The following AKR1B15 variants were observed in gnomAD, a reference collection of about 807,000 sequenced individuals.
AKR1B15 encodes aldo-keto reductase family 1 member B15.
A neutral mutation model predicts 38.5 loss-of-function variants in AKR1B15; 49 were observed. The ratio of observed to expected loss-of-function variants is 1.27; its 90% CI spans 1.01 to 1.62. The LOEUF (loss-of-function observed/expected upper bound fraction) is 1.62, where lower values mean the gene tolerates loss of function less well. Ranked by LOEUF, AKR1B15 falls within the 40% of genes most tolerant of loss-of-function variation. The pLI is 0.00. For synonymous variants in AKR1B15, 137 were observed against 135.5 expected (o/e 1.01, Z -0.08); for missense variants, 411 against 381.6 (o/e 1.08, Z -0.64).
At position 134,556,742 on chromosome 7, in the gene AKR1B15, C is replaced by G. The variant is rs1041526315; in HGVS notation, c.-140C>G. The G allele has an allele frequency of 6.6e-6, 1 of 152,180 alleles. No individual in the cohort carries two copies. The allele number at this position is 152,180 out of a possible 1,614,324, so 9.4% of individuals were successfully genotyped here. ...CCCCTGAATTGCATTTCAGGTTTCA[C>G]CGAGCTGCCCTACTCCTTGTACCCC... On this transcript the variant is annotated 5_prime_UTR_variant, in exon 2 of 12. Transcript: ENST00000457545.
Position 134,575,506 on chromosome 7 carries a change from C to T in AKR1B15, c.600C>T (p.Asn200=). The stretch of plus-strand genomic sequence containing the variant: ...ACTTCCAGATCGAGAGGCTCTTGAA[C>T]AAACCTGGACTGAAATATAAACCAG... ...FNHFQIERLL[N]KPGLKYKPVT... is the part of the protein sequence containing the mutation. Residue 200 remains asparagine, a synonymous_variant, in exon 7 of 12, where the codon AAC becomes AAT. Coordinates refer to ENST00000457545, the MANE Select transcript of AKR1B15 (RefSeq NM_001080538.3). 1 of 1,613,874 alleles carries T rather than the reference C, an allele frequency of 6.2e-7. No individual in the cohort carries two copies. The highest frequency in any genetic ancestry group is 8.5e-7 in the Non-Finnish European group (1 of 1,179,818).
At position 134,575,476 on chromosome 7, in the gene AKR1B15, C is replaced by T. The variant is rs752397346; in HGVS notation, c.570C>T (p.Phe190=). ...GLVKALGVSN[F]NHFQIERLLN... ...TGAAAGCCCTTGGGGTCTCAAATTT[C>T]AACCACTTCCAGATCGAGAGGCTCT... Residue 190 remains phenylalanine (F), a synonymous_variant, in exon 7 of 12, where the codon TTC becomes TTT. Coordinates refer to ENST00000457545, the MANE Select transcript of AKR1B15 (RefSeq NM_001080538.3). The T allele has an allele frequency of 3.7e-6, 6 of 1,613,904 alleles. No homozygotes were observed. Among genetic ancestry groups the T allele is most frequent in the Non-Finnish European group, 3.4e-6 (4 of 1,179,824 alleles).
intron 1 of AKR1B15, among the ~76,000 whole-genome samples, chr7:134,553,916 A>G (rs1428931818): frequency 6.6e-6 from 1 of 152,306 alleles, no homozygotes; most frequent in Non-Finnish European, 1.5e-5. Context: ...AGACAGATGT[A>G]CTGTAGGCCC....
Position 134,564,604 on chromosome 7 carries a change from G to A in AKR1B15, c.-16G>A. 1 of 694,772 alleles carries A rather than the reference G, an allele frequency of 1.4e-6. No individual in the cohort carries two copies. The highest frequency in any genetic ancestry group is 2.6e-6 in the Non-Finnish European group (1 of 382,036). The allele number at this position is 694,772 out of a possible 1,614,324, so 43.0% of individuals were successfully genotyped here. ...TCAAATTTGTTTCCTCTAGGATCGA[G>A]GCCATCAAGCTACAGATGGTCTTAC... On this transcript the variant is annotated 5_prime_UTR_variant, in exon 3 of 12. Transcript: ENST00000457545.
At chr7:134,562,832 C>CTTTCTCTT in intron 2 of AKR1B15, among the ~76,000 whole-genome samples, 1 of 122,694 alleles carries the variant, frequency 8.2e-6, no homozygotes, top group East Asian at 2.6e-4. Context: ...TCCTTCCTTT[C>CTTTCTCTT]TCTTTCTTTC....
At chr7:134,563,033 T>C (rs1308928317) in intron 2 of AKR1B15, among the ~76,000 whole-genome samples, 1 of 151,802 alleles carries the variant, frequency 6.6e-6, no homozygotes, top group Non-Finnish European at 1.5e-5. Flanking sequence ...TTCCTTCCTT[T>C]CTCTCTCCCT....
At chr7:134,553,196 G>A (rs1173770413) in intron 1 of AKR1B15, among the ~76,000 whole-genome samples, 1 of 152,112 alleles carries the variant, frequency 6.6e-6, no homozygotes, top group African/African-American at 2.4e-5. Flanking sequence ...TGGGCACCGT[G>A]GGATATGGTC....
chr7:134,556,623 G>A (rs1794206374), intron 1 of AKR1B15, 113 bp from the exon 2 acceptor site: 2 of 152,136 alleles, frequency 1.3e-5, no homozygotes, highest in Admixed American at 6.6e-5. Context: ...CTGCATCAAT[G>A]GGACTGAACC....
Position 134,573,570 on chromosome 7 carries a change from C to G in AKR1B15, c.514-1850C>G, listed in dbSNP as rs186870101. The G allele has an allele frequency of 3.3e-3, 3,289 of 984,044 alleles. 15 individuals carry two copies. Among genetic ancestry groups the G allele is most frequent in the Non-Finnish European group, 3.4e-3 (2,782 of 828,730 alleles). 61.0% of individuals were successfully genotyped at this position (984,044 alleles called of 1,614,324 possible). ...TTGGATGTTTATGTAGACCCACAAC[C>G]AGTTCAGTAGAAACCTCATTGACTA... On this transcript the variant is annotated intron_variant, in intron 6 of 11. Coordinates refer to ENST00000457545, the MANE Select transcript of AKR1B15 (RefSeq NM_001080538.3).
intron 1 of AKR1B15, among the ~76,000 whole-genome samples, chr7:134,552,536 C>T (rs1211052910): frequency 6.6e-6 from 1 of 152,116 alleles, no homozygotes; most frequent in Admixed American, 6.5e-5. Flanking sequence ...CTGGTATACT[C>T]ACACCATGTG....
intron 9 of AKR1B15, 38 bp from the exon 10 acceptor site, chr7:134,576,925 G>A: frequency 1.9e-6 from 3 of 1,572,820 alleles, no homozygotes; most frequent in Non-Finnish European, 1.8e-6. Flanking sequence ...AGGGGTCCTT[G>A]TAGCTGAGTG....
chr7:134,571,508 G>A (rs1413363561), intron 5 of AKR1B15, 96 bp from the exon 6 acceptor site: 1 of 882,680 alleles, frequency 1.1e-6, no homozygotes, highest in Non-Finnish European at 1.9e-6. Context: ...GTATGCAGAT[G>A]TGGTATTTAG....
intron 3 of AKR1B15, among the ~76,000 whole-genome samples, chr7:134,566,929 C>G (rs1478046956): frequency 6.6e-6 from 1 of 152,196 alleles, no homozygotes. Context: ...TTCCAGATCT[C>G]CAGGGAATCT....
chr7:134,569,297 T>G, intron 4 of AKR1B15, 116 bp from the exon 5 acceptor site: 1 of 1,197,782 alleles, frequency 8.3e-7, no homozygotes, highest in Non-Finnish European at 1.2e-6. Context: ...ATCAGCTTTG[T>G]TATAGATGGC....
chr7:134,551,580 G>A (rs546295696), intron 1 of AKR1B15, among the ~76,000 whole-genome samples: 11 of 152,258 alleles, frequency 7.2e-5, no homozygotes, highest in African/African-American at 1.4e-4. Context: ...GAGAGTTTTC[G>A]ACAATCGAGA....
At chr7:134,571,481 C>T in intron 5 of AKR1B15, 123 bp from the exon 6 acceptor site, 1 of 753,874 alleles carries the variant, frequency 1.3e-6, no homozygotes. Context: ...GTATGTACTC[C>T]AGAGCTTGAA....
intron 1 of AKR1B15, among the ~76,000 whole-genome samples, chr7:134,550,602 G>C (rs969990360): frequency 2.6e-5 from 4 of 152,086 alleles, no homozygotes; most frequent in African/African-American, 7.2e-5. Context: ...ACTTCTTCTA[G>C]CTATAATACT....
chr7:134,558,641 T>C (rs145918718), intron 2 of AKR1B15, among the ~76,000 whole-genome samples: 21 of 152,276 alleles, frequency 1.4e-4, no homozygotes, highest in Non-Finnish European at 2.4e-4. Flanking sequence ...CTAAATATAC[T>C]CCTATTGCTT....
intron 2 of AKR1B15, among the ~76,000 whole-genome samples, chr7:134,562,320 A>G (rs1444122959): frequency 6.6e-6 from 1 of 152,178 alleles, no homozygotes; most frequent in East Asian, 1.9e-4. Flanking sequence ...AGGGTACCTA[A>G]GCGGGTTGCC....
Sources: allele counts gnomAD v4.1 joint callset (sites outside exome capture counted in the v4.1 genomes callset), GRCh38; gene constraint gnomAD v4.1.1; transcripts MANE v1.5; gene names NCBI Gene and HGNC (gene_info 2026-07-23, HGNC 2026-07-21).